Variants in MCUB observed in about 807,000 individuals in gnomAD.
MCUB encodes calcium uniporter regulatory subunit MCUb, mitochondrial.
MCUB carries 46 observed loss-of-function variants against 41.4 expected under a neutral mutation model. The ratio of observed to expected loss-of-function variants is 1.11; its 90% CI spans 0.88 to 1.42. The LOEUF is 1.42. MCUB is among the 40% of genes most tolerant of loss of function. The pLI is 0.00. For synonymous variants in MCUB, 148 were observed against 148.2 expected, an observed-to-expected ratio of 1.00 and a Z score of 0.01; for missense variants, 403 against 404.9, an observed-to-expected ratio of 1.00 and a Z score of 0.04.
intron 4 of MCUB, among the ~76,000 whole-genome samples, chr4:109,679,403 C>T (rs1008992199): frequency 2.6e-5 from 4 of 152,144 alleles, no homozygotes; most frequent in South Asian, 4.1e-4. Flanking sequence ...CCCAGCACCT[C>T]GGGAGGCCGA....
intron 1 of MCUB, among the ~76,000 whole-genome samples, chr4:109,569,150 CA>C (rs1337162454): frequency 6.6e-6 from 1 of 151,114 alleles, no homozygotes; most frequent in Non-Finnish European, 1.5e-5. Context: ...GGGTTCACGC[CA>C]TTCTCCTGCC....
At position 109,610,310 on chromosome 4, in the gene MCUB, T is replaced by A. The variant is rs1043309690; in HGVS notation, c.100-48701T>A. ...ACCTGATTTTTGGTTCTTATAAAGG[T>A]GTCTTTTTTGTGTAGATGCTAAATT... On this transcript the variant is annotated intron_variant, in intron 1 of 7. Coordinates refer to ENST00000394650, the MANE Select transcript of MCUB (RefSeq NM_017918.5). 2.0e-5 allele frequency among the ~76,000 whole-genome samples: 3 copies of A among 152,144 alleles called. No homozygotes were observed. In the South Asian group the frequency reaches 6.2e-4, roughly 32 times the overall value.
chr4:109,649,756 T>TAAAAAC (rs1476814412), intron 1 of MCUB, among the ~76,000 whole-genome samples: 2 of 151,724 alleles, frequency 1.3e-5, no homozygotes, highest in Non-Finnish European at 2.9e-5. Flanking sequence ...TTTTTTAAAA[T>TAAAAAC]AGAAATATGG....
rs146168545 is a variant in MCUB at position 109,644,237 on chromosome 4, G to A, written c.100-14774G>A. The stretch of plus-strand genomic sequence containing the variant: ...TTTTTCAAGGAAAGTAATAAAAGGA[G>A]CAAAAACTATATAAAACAAAACTAA... On this transcript the variant is annotated intron_variant, in intron 1 of 7. Coordinates refer to ENST00000394650, the MANE Select transcript of MCUB (RefSeq NM_017918.5). Among the ~76,000 whole-genome samples the A allele has an allele frequency of 6.6e-5, 10 of 152,050 alleles. No individual in the cohort carries two copies. The East Asian group carries it at 1.4e-3, about 21-fold the overall frequency.
At chr4:109,669,635 T>A (rs1292125139) in intron 4 of MCUB, among the ~76,000 whole-genome samples, 1 of 152,046 alleles carries the variant, frequency 6.6e-6, no homozygotes, top group Non-Finnish European at 1.5e-5. Flanking sequence ...CCTTCTAGTA[T>A]TCTCATTACA....
chr4:109,570,184 T>C (rs566094753), intron 1 of MCUB, among the ~76,000 whole-genome samples: 19 of 152,356 alleles, frequency 1.2e-4, no homozygotes, highest in African/African-American at 4.6e-4. Context: ...TTGGTACTTC[T>C]GTACTCCCTT....
chr4:109,639,579 C>G (rs1188080809), intron 1 of MCUB, among the ~76,000 whole-genome samples: 1 of 152,074 alleles, frequency 6.6e-6, no homozygotes, highest in Non-Finnish European at 1.5e-5. Flanking sequence ...TCCAGCTACT[C>G]AGGAGGCTGA....
At chr4:109,581,792 T>C (rs1727182513) in intron 1 of MCUB, among the ~76,000 whole-genome samples, 1 of 152,174 alleles carries the variant, frequency 6.6e-6, no homozygotes, top group Non-Finnish European at 1.5e-5. Context: ...TTATCATCAC[T>C]GGCCATCAGA....
chr4:109,603,159 T>G (rs1430033866), intron 1 of MCUB, among the ~76,000 whole-genome samples: 2 of 152,224 alleles, frequency 1.3e-5, no homozygotes, highest in African/African-American at 4.8e-5. Flanking sequence ...GAGGCTGGAC[T>G]GTACTGACAC....
chr4:109,675,002 C>A (rs1729541311), intron 4 of MCUB, among the ~76,000 whole-genome samples: 1 of 152,186 alleles, frequency 6.6e-6, no homozygotes, highest in Non-Finnish European at 1.5e-5. Context: ...AAGGCTATCA[C>A]ACTTGTGAAA....
At chr4:109,628,949 C>A (rs530787205) in intron 1 of MCUB, among the ~76,000 whole-genome samples, 1 of 152,010 alleles carries the variant, frequency 6.6e-6, no homozygotes, top group African/African-American at 2.4e-5. Flanking sequence ...AAGGAAGCCA[C>A]GGCCAAAGGT....
intron 1 of MCUB, among the ~76,000 whole-genome samples, chr4:109,637,036 T>C (rs1441294905): frequency 6.6e-6 from 1 of 152,058 alleles, no homozygotes; most frequent in Non-Finnish European, 1.5e-5. Context: ...GAGATAGAGA[T>C]AATAAATGTC....
At chr4:109,601,476 G>A (rs1477790949) in intron 1 of MCUB, among the ~76,000 whole-genome samples, 6 of 151,946 alleles carry the variant, frequency 3.9e-5, no homozygotes, top group African/African-American at 1.2e-4. Flanking sequence ...TAGCTCCCAC[G>A]AATATGATAA....
At chr4:109,615,391 T>C (rs575355878) in intron 1 of MCUB, among the ~76,000 whole-genome samples, 26 of 152,200 alleles carry the variant, frequency 1.7e-4, no homozygotes, top group African/African-American at 6.0e-4. Context: ...ACAGTATTAT[T>C]ATCATAGATG....
intron 5 of MCUB, 93 bp downstream of exon 5, chr4:109,682,835 A>G (rs1370708781): frequency 2.1e-6 from 2 of 963,894 alleles, no homozygotes; most frequent in Non-Finnish European, 3.1e-6. Context: ...TGCTTTCCAT[A>G]TGCTAATTTT....
At chr4:109,644,777 C>T (rs1393589653) in intron 1 of MCUB, among the ~76,000 whole-genome samples, 1 of 152,200 alleles carries the variant, frequency 6.6e-6, no homozygotes, top group East Asian at 1.9e-4. Flanking sequence ...CACCTTTACA[C>T]ATAAATCTTT....
At chr4:109,628,377 A>G (rs1728407034) in intron 1 of MCUB, among the ~76,000 whole-genome samples, 1 of 152,182 alleles carries the variant, frequency 6.6e-6, no homozygotes, top group African/African-American at 2.4e-5. Context: ...CTAAGTGATA[A>G]TGGTGGGATA....
At chr4:109,605,401 A>G (rs992429371) in intron 1 of MCUB, among the ~76,000 whole-genome samples, 4 of 152,190 alleles carry the variant, frequency 2.6e-5, no homozygotes, top group African/African-American at 9.6e-5. Flanking sequence ...AATACTTGAT[A>G]TTATTTCAGT....
Position 109,684,555 on chromosome 4 carries a change from T to G in MCUB, c.725T>G (p.Val242Gly). 6.2e-7 allele frequency: 1 copy of G among 1,610,126 alleles called. No individual in the cohort carries two copies. Among genetic ancestry groups the G allele is most frequent in the Non-Finnish European group, 8.5e-7 (1 of 1,176,416 alleles). The part of the protein sequence containing the change: ...GGALAWLTWW[V>G]YSWDIMEPVT... Reference sequence around the variant, plus strand: ...GCACTGGCCTGGCTCACGTGGTGGGTGTACTCCTGGGATATCATGGAGCCA... The same window carrying G: ...GCACTGGCCTGGCTCACGTGGTGGGGGTACTCCTGGGATATCATGGAGCCA... The change falls in exon 6 of 8, where the codon GTG (valine) becomes GGG (glycine). Residue 242 changes from valine to glycine, a missense_variant. Physicochemically the swap from Val to Gly is moderately radical, Grantham distance 109. Coordinates refer to ENST00000394650, the MANE Select transcript of MCUB (RefSeq NM_017918.5).
Sources: gnomAD v4.1 joint callset for allele counts (sites outside exome capture counted in the v4.1 genomes callset) on GRCh38, gnomAD v4.1.1 for gene constraint, MANE v1.5 for transcripts, NCBI Gene and HGNC (gene_info 2026-07-23, HGNC 2026-07-21) for gene names.